Variants in NPAS2 observed in about 807,000 individuals in gnomAD.
NPAS2 encodes the protein neuronal PAS domain-containing protein 2.
Under a neutral mutation model 107.5 loss-of-function variants are expected in NPAS2, and 23 were observed. That is an observed-to-expected ratio of 0.21 (90% CI 0.15 to 0.30). NPAS2 has a LOEUF of 0.30. Among genes scored for constraint, NPAS2 ranks in the 10% least tolerant of loss-of-function variants. The pLI is 1.00. For synonymous variants in NPAS2, 403 were observed against 417.5 expected (o/e 0.97, Z 0.42); for missense variants, 756 against 1,043.3 (o/e 0.72, Z 3.79).
chr2:100,978,888 C>T (rs1282292536), intron 15 of NPAS2, among the ~76,000 whole-genome samples: 4 of 152,226 alleles, frequency 2.6e-5, no homozygotes, highest in South Asian at 4.1e-4. Context: ...TGTGCTTCAG[C>T]AGGGAGTTCT....
intron 4 of NPAS2, chr2:100,934,749 G>A: frequency 1.0e-6 from 1 of 978,034 alleles, no homozygotes; most frequent in South Asian, 4.7e-5. Flanking sequence ...CTGAGCCCCA[G>A]CTGTGGTTGG....
rs911144242 is a variant in NPAS2 at position 100,968,182 on chromosome 2, G to T, written c.908-99G>T. The stretch of plus-strand genomic sequence containing the variant: ...GGGGAAACAAGCCATGTTTGGTATT[G>T]TCTTTTTTTTTGAAAGCTTATCTTT... On this transcript the variant is annotated intron_variant, in intron 10 of 20. Coordinates refer to ENST00000335681, the MANE Select transcript of NPAS2 (RefSeq NM_002518.4). This position sits in a 1 kb window ranked among gnomAD's most constrained non-coding sequence, Gnocchi z 5.3. 4 of 1,312,574 alleles carry T rather than the reference G, an allele frequency of 3.0e-6. No individual in the cohort carries two copies. The highest frequency in any genetic ancestry group is 4.3e-6 in the Non-Finnish European group (4 of 931,602). The allele number at this position is 1,312,574 out of a possible 1,614,324, so 81.3% of individuals were successfully genotyped here.
chr2:100,837,372 G>A (rs924053455), intron 1 of NPAS2, among the ~76,000 whole-genome samples: 3 of 152,112 alleles, frequency 2.0e-5, no homozygotes, highest in Non-Finnish European at 2.9e-5. Flanking sequence ...GCAATGGTGC[G>A]ATCTTGGCTC....
chr2:100,837,506 T>C (rs1286542743), intron 1 of NPAS2, among the ~76,000 whole-genome samples: 1 of 152,068 alleles, frequency 6.6e-6, no homozygotes, highest in Non-Finnish European at 1.5e-5. Flanking sequence ...AGAGACGAGG[T>C]TTCTCCATGT....
chr2:100,930,214 A>G lies in NPAS2; in HGVS notation c.182-2696A>G, dbSNP rs564853526. Among the ~76,000 whole-genome samples, 290 of 152,252 alleles carry G rather than the reference A, an allele frequency of 1.9e-3. 2 individuals are homozygous for G. Among genetic ancestry groups the G allele is most frequent in the Non-Finnish European group, 3.1e-3 (211 of 68,012 alleles). Reference sequence around the variant, plus strand: ...CTCCTAACATTAAATCCCATTCCTCATTCACACTTCTTTAATGTGTCTGTC... The same window carrying G: ...CTCCTAACATTAAATCCCATTCCTCGTTCACACTTCTTTAATGTGTCTGTC... On this transcript the variant is annotated intron_variant, in intron 3 of 20. Coordinates refer to ENST00000335681, the MANE Select transcript of NPAS2 (RefSeq NM_002518.4).
In NPAS2 at chr2:100,874,232, GC is replaced by G. The variant is rs1195997657; in HGVS notation, c.-22-30499del. The stretch of plus-strand genomic sequence containing the variant: ...ACTCATGACCTCAAGCAATCCGCCT[GC>G]CTCGGCCTCCCAAAGTATATATAAC... On this transcript the variant is annotated intron_variant, in intron 1 of 20. Transcript: ENST00000335681. Among the ~76,000 whole-genome samples, 3 of 151,972 alleles carry G rather than the reference GC, an allele frequency of 2.0e-5. 1 individual carries two copies. Among genetic ancestry groups the G allele is most frequent in the Non-Finnish European group, 4.4e-5 (3 of 67,992 alleles).
intron 7 of NPAS2, chr2:100,962,663 C>T (rs1055536981): frequency 2.0e-5 from 3 of 152,218 alleles, no homozygotes; most frequent in African/African-American, 7.2e-5. Context: ...GTTCCACGTA[C>T]GTAGTAAATT....
At chr2:100,929,348 T>TG (rs1291036126) in intron 3 of NPAS2, among the ~76,000 whole-genome samples, 1 of 152,180 alleles carries the variant, frequency 6.6e-6, no homozygotes, top group Non-Finnish European at 1.5e-5. Context: ...CTACACTCAA[T>TG]GGCTGCTCCA....
intron 5 of NPAS2, 143 bp downstream of exon 5, chr2:100,937,985 G>T: frequency 1.4e-6 from 1 of 740,096 alleles, no homozygotes. Context: ...GCTGAGTTTT[G>T]GGGACAGGAC....
At chr2:100,942,140 C>T (rs1005780652) in intron 5 of NPAS2, among the ~76,000 whole-genome samples, 2 of 152,190 alleles carry the variant, frequency 1.3e-5, no homozygotes, top group African/African-American at 4.8e-5. Flanking sequence ...CTGGAGAAAT[C>T]TGCAGGCCAG....
chr2:100,894,674 G>T (rs56108101), intron 1 of NPAS2, among the ~76,000 whole-genome samples: 29,719 of 151,972 alleles, frequency 0.2, 3,812 homozygotes, highest in Non-Finnish European at 0.28. Context: ...AAGGGTTAAT[G>T]GACCAGTCCA....
chr2:100,893,422 G>A (rs1328452671), intron 1 of NPAS2, among the ~76,000 whole-genome samples: 2 of 152,158 alleles, frequency 1.3e-5, no homozygotes, highest in African/African-American at 4.8e-5. Context: ...ATTCTACCAG[G>A]CTTGGTTGGT....
chr2:100,973,127 C>T (rs893409691), intron 12 of NPAS2, among the ~76,000 whole-genome samples: 5 of 151,376 alleles, frequency 3.3e-5, no homozygotes, highest in South Asian at 2.1e-4. Flanking sequence ...TGCAGTGAGC[C>T]GAGATTGCGC....
rs112752235 is a variant in NPAS2, at chr2:100,967,748, G to A, written c.908-533G>A. ...CCACCAGCAGACATCACTATGGGGG[G>A]GCTGCAAGCAGCTCTGGGGAAGGGG... On this transcript the variant is annotated intron_variant, in intron 10 of 20. Transcript: ENST00000335681. Among the ~76,000 whole-genome samples, 232 of 152,284 alleles carry A rather than the reference G, an allele frequency of 1.5e-3. 5 individuals are homozygous for A. The East Asian group carries it at 0.036, about 24-fold the overall frequency.
chr2:100,879,101 A>T (rs866027993), intron 1 of NPAS2, among the ~76,000 whole-genome samples: 1 of 151,240 alleles, frequency 6.6e-6, no homozygotes. Flanking sequence ...CGACAGAGCG[A>T]GACTCTGTCT....
At chr2:100,934,919 T>C (rs1684202575) in intron 4 of NPAS2, 1 of 985,298 alleles carries the variant, frequency 1.0e-6, no homozygotes, top group East Asian at 1.1e-4. Context: ...GGATGTTCCC[T>C]TTCTAAAATG....
chr2:100,891,354 G>T (rs1322846884), intron 1 of NPAS2, among the ~76,000 whole-genome samples: 1 of 152,128 alleles, frequency 6.6e-6, no homozygotes, highest in East Asian at 1.9e-4. Flanking sequence ...AGCTCTGATG[G>T]TGCAACATGA....
chr2:100,875,283 A>G (rs1679883593), intron 1 of NPAS2, among the ~76,000 whole-genome samples: 2 of 152,220 alleles, frequency 1.3e-5, no homozygotes, highest in South Asian at 4.1e-4. Flanking sequence ...CGCTGGGGAA[A>G]GCAGGCAATG....
chr2:100,988,536 C>T, intron 17 of NPAS2: 1 of 484,598 alleles, frequency 2.1e-6, no homozygotes, highest in Non-Finnish European at 3.7e-6. Context: ...AAAGATATCA[C>T]TCGGCTGAAA....
Sources: gnomAD v4.1 joint callset for allele counts (sites outside exome capture counted in the v4.1 genomes callset) on GRCh38, gnomAD v4.1.1 for gene constraint, Gnocchi (gnomAD v3.1) non-coding constraint, MANE v1.5 for transcripts, NCBI Gene and HGNC (gene_info 2026-07-23, HGNC 2026-07-21) for gene names.